FGF13: variants seen among roughly 807,000 people sequenced by gnomAD.
FGF13 encodes fibroblast growth factor 13, also known as fibroblast growth factor homologous factor 2.
In FGF13, 2 loss-of-function variants were observed where a neutral mutation model predicts 19.5. The observed-to-expected ratio is 0.10, with a 90% confidence interval of 0.04 to 0.32. The LOEUF (loss-of-function observed/expected upper bound fraction) is 0.32. Ranked by LOEUF, FGF13 falls within the 10% of genes least tolerant of loss-of-function variation. The pLI, the probability that FGF13 is intolerant of heterozygous loss-of-function variation, is 1.00. For synonymous variants in FGF13, 72 were observed against 76.9 expected, an observed-to-expected ratio of 0.94 and a Z score of 0.33; for missense variants, 113 against 192.7, an observed-to-expected ratio of 0.59 and a Z score of 2.45.
intron 3 of FGF13, among the ~76,000 whole-genome samples, chrX:138,761,879 G>A (rs1260861820): frequency 1.8e-5 from 2 of 110,235 alleles, no homozygotes; most frequent in Non-Finnish European, 3.8e-5. Context: ...TCCACTTTCT[G>A]ACTCCTAATT....
chrX:138,998,443 C>T (rs767757151), intron 1 of FGF13, among the ~76,000 whole-genome samples: 4 of 109,367 alleles, frequency 3.7e-5, no homozygotes, highest in Non-Finnish European at 5.7e-5. Flanking sequence ...ACTCATCTCA[C>T]GTGCAAAGAC....
At chrX:138,811,037 C>T (rs1442571720) in intron 3 of FGF13, among the ~76,000 whole-genome samples, 5 of 112,007 alleles carry the variant, frequency 4.5e-5, no homozygotes, top group African/African-American at 6.5e-5. Flanking sequence ...GACAGTGTGG[C>T]GATTCCTTAA....
intron 1 of FGF13, among the ~76,000 whole-genome samples, chrX:138,924,764 G>A (rs748549618): frequency 9.2e-6 from 1 of 109,031 alleles, no homozygotes; most frequent in East Asian, 2.9e-4. Context: ...GAATAGGAAG[G>A]AAACCGTAAG....
At chrX:139,192,254 A>C (rs2084336863) in intron 1 of FGF13, among the ~76,000 whole-genome samples, 1 of 111,760 alleles carries the variant, frequency 8.9e-6, no homozygotes, top group South Asian at 3.8e-4. Flanking sequence ...ACCTCATGTA[A>C]TATTTTTGGA....
intron 1 of FGF13, among the ~76,000 whole-genome samples, chrX:139,164,290 C>G (rs773077832): frequency 9.0e-6 from 1 of 110,515 alleles, no homozygotes; most frequent in East Asian, 2.8e-4. Flanking sequence ...GTCGGGGAAC[C>G]TCAGTTTTTG....
chrX:138,691,848 A>G (rs779208780), intron 3 of FGF13, among the ~76,000 whole-genome samples: 22 of 112,248 alleles, frequency 2.0e-4, no homozygotes, highest in Non-Finnish European at 3.8e-4. Flanking sequence ...CTTAATCAGA[A>G]TGATAGCATA....
At chrX:138,936,855 G>A (rs1299283188) in intron 1 of FGF13, among the ~76,000 whole-genome samples, 1 of 111,962 alleles carries the variant, frequency 8.9e-6, no homozygotes, top group Non-Finnish European at 1.9e-5. Flanking sequence ...ACAGTGAGGG[G>A]AGCGGTCAGA....
intron 1 of FGF13, among the ~76,000 whole-genome samples, chrX:139,178,439 C>T (rs2084210703): frequency 8.9e-6 from 1 of 112,236 alleles, no homozygotes; most frequent in South Asian, 3.7e-4. Context: ...CCATTCAGGT[C>T]TAATAGCCTC....
intron 2 of FGF13, among the ~76,000 whole-genome samples, chrX:138,704,029 T>C (rs2089972713): frequency 8.9e-6 from 1 of 112,398 alleles, no homozygotes; most frequent in African/African-American, 3.2e-5. Flanking sequence ...GTAGTATTTC[T>C]TAAAGGACCA....
At chrX:139,101,136 C>T (rs1208113961) in intron 1 of FGF13, among the ~76,000 whole-genome samples, 1 of 111,355 alleles carries the variant, frequency 9.0e-6, no homozygotes, top group Admixed American at 9.4e-5. Flanking sequence ...ACTGAAAAAA[C>T]TTTGCTGCTG....
At chrX:138,710,632 CAGCA>C (rs1250001232) in intron 1 of FGF13, among the ~76,000 whole-genome samples, 181 bp downstream of exon 1, 1 of 112,684 alleles carries the variant, frequency 8.9e-6, no homozygotes, top group Non-Finnish European at 1.9e-5. Flanking sequence ...AGTTGCAATG[CAGCA>C]AGCGTGTTAC....
At chrX:138,951,699 C>G (rs5976230) in intron 1 of FGF13, among the ~76,000 whole-genome samples, 1 of 110,040 alleles carries the variant, frequency 9.1e-6, no homozygotes, top group South Asian at 3.9e-4. Flanking sequence ...GCAACATACC[C>G]GCTAGAATGG....
At chrX:138,911,627 A>T (rs1357618213) in intron 1 of FGF13, among the ~76,000 whole-genome samples, 1 of 112,049 alleles carries the variant, frequency 8.9e-6, no homozygotes, top group East Asian at 2.8e-4. Flanking sequence ...AAAGTTAAAA[A>T]AAAACAGTCT....
chrX:138,791,467 A>G (rs73241071), intron 3 of FGF13, among the ~76,000 whole-genome samples: 13,069 of 112,054 alleles, frequency 0.12, 729 homozygotes, highest in Middle Eastern at 0.18. Context: ...TTTTATGTCA[A>G]ACTGTTAATT....
At chrX:138,957,533 G>A (rs1368932528) in intron 1 of FGF13, among the ~76,000 whole-genome samples, 1 of 111,276 alleles carries the variant, frequency 9.0e-6, no homozygotes, top group African/African-American at 3.3e-5. Flanking sequence ...ACGAACTTTA[G>A]TTTTTTCCAA....
intron 1 of FGF13, among the ~76,000 whole-genome samples, chrX:138,869,576 C>G (rs1031387668): frequency 8.9e-6 from 1 of 111,885 alleles, no homozygotes; most frequent in Non-Finnish European, 1.9e-5. Context: ...TCAATTTGGC[C>G]CCAACATTGT....
At chrX:138,778,937 G>A (rs1053977771) in intron 3 of FGF13, among the ~76,000 whole-genome samples, 2 of 112,358 alleles carry the variant, frequency 1.8e-5, no homozygotes, top group African/African-American at 3.2e-5. Context: ...TTTGAAGAGA[G>A]TAGTGGTTCT....
intron 1 of FGF13, among the ~76,000 whole-genome samples, chrX:138,972,172 T>G (rs2091920100): frequency 9.2e-6 from 1 of 108,301 alleles, no homozygotes; most frequent in Non-Finnish European, 1.9e-5. Flanking sequence ...AACATGGGAG[T>G]GCAGATATCT....
chrX:138,720,652 G>C (rs1034154451), intron 1 of FGF13, among the ~76,000 whole-genome samples: 1 of 111,499 alleles, frequency 9.0e-6, no homozygotes, highest in African/African-American at 3.3e-5. Flanking sequence ...AGCTAACTCC[G>C]TGGGCAGGAG....
Sources: allele counts gnomAD v4.1 joint callset (sites outside exome capture counted in the v4.1 genomes callset), GRCh38; gene constraint gnomAD v4.1.1; transcripts MANE v1.5; gene names NCBI Gene and HGNC (gene_info 2026-07-23, HGNC 2026-07-21).